The following CREBZF variants were observed in gnomAD, a reference collection of about 807,000 sequenced individuals.
CREBZF encodes the protein HCF-binding transcription factor Zhangfei.
Under a neutral mutation model 21.1 loss-of-function variants are expected in CREBZF, and 8 were observed. The ratio of observed to expected loss-of-function variants is 0.38; its 90% confidence interval spans 0.22 to 0.68. CREBZF has a LOEUF of 0.68. CREBZF is among the 30% of genes least tolerant of loss of function. The pLI is 0.51. For synonymous variants in CREBZF, 270 were observed against 223.3 expected (o/e 1.21, Z -1.86); for missense variants, 518 against 484.3 (o/e 1.07, Z -0.65).
Position 85,664,995 on chromosome 11 carries a change from A to T in CREBZF, c.-120T>A. On this transcript the variant is annotated 5_prime_UTR_variant, in exon 1 of 1. Coordinates refer to ENST00000527447, the MANE Select transcript of CREBZF (RefSeq NM_001039618.4). The surrounding 1 kb of genome is among the most constrained non-coding windows in gnomAD (Gnocchi z 5.5). ...ACTGGCCGAAACGAAATGCAGGGAA[A>T]GGTCCGAGTCGCCTCCCGCCTCACT... The T allele has an allele frequency of 1.5e-6, 1 of 656,558 alleles. No individual in the cohort carries two copies. The highest frequency in any genetic ancestry group is 2.3e-6 in the Non-Finnish European group (1 of 440,618). 40.7% of individuals were successfully genotyped at this position (656,558 alleles called of 1,614,324 possible).
At chr11:85,673,818 T>C (rs1308938499) in intron 1 of CREBZF, among the ~76,000 whole-genome samples, 1 of 152,234 alleles carries the variant, frequency 6.6e-6, no homozygotes, top group Non-Finnish European at 1.5e-5. Context: ...ATATTCTAAA[T>C]CCTTTGTTGT....
Position 85,664,298 on chromosome 11 carries a change from C to T in CREBZF, c.578G>A (p.Gly193Asp), listed in dbSNP as rs1452490064. ...GTCGTTACCGCTGCCGCCACCGCCGCCTCCTCCTGGGGACTTTCTCCGCCT... is the reference window on the plus strand; with the variant it reads ...GTCGTTACCGCTGCCGCCACCGCCGTCTCCTCCTGGGGACTTTCTCCGCCT... ...EKRRRKSPGG[G>D]GGGGSGNDNN... Residue 193 changes from glycine to aspartate, a missense_variant, in exon 1 of 1, where the codon GGC (glycine) becomes GAC (aspartate). Gly to Asp is a moderately conservative substitution (Grantham distance 94). Around this residue, in one of 3 missense-constraint regions of CREBZF, gnomAD observed 396 missense variants for 324.4 expected, o/e 1.22. Coordinates refer to ENST00000527447, the MANE Select transcript of CREBZF (RefSeq NM_001039618.4). The surrounding 1 kb of genome is among the most constrained non-coding windows in gnomAD (Gnocchi z 5.5). 8 of 1,612,108 alleles carry T rather than the reference C, an allele frequency of 5.0e-6. No individual in the cohort carries two copies. In the South Asian group the frequency reaches 8.8e-5, roughly 18 times the overall value.
rs1364439475 is a variant in CREBZF, at chr11:85,660,082, A to G, written c.*3729T>C. 6.6e-6 allele frequency: 1 copy of G among 152,562 alleles called. No homozygotes were observed. Among genetic ancestry groups the G allele is most frequent in the Non-Finnish European group, 1.5e-5 (1 of 68,302 alleles). 9.5% of individuals were successfully genotyped at this position (152,562 alleles called of 1,614,324 possible). On this transcript the variant is annotated 3_prime_UTR_variant, in exon 1 of 1. Coordinates refer to ENST00000527447, the MANE Select transcript of CREBZF (RefSeq NM_001039618.4). ...AGTTCAGAACTTTACATTAACTTTTATATTCTACTCAGCAGGGTGTCTGTC... is the reference window on the plus strand; with the variant it reads ...AGTTCAGAACTTTACATTAACTTTTGTATTCTACTCAGCAGGGTGTCTGTC...
At chr11:85,682,642 CATATAACGTGGAGT>C in intron 1 of CREBZF, 1 of 496,140 alleles carries the variant, frequency 2.0e-6, no homozygotes, top group Non-Finnish European at 3.6e-6. Context: ...GCTCTTCCCC[CATATAACGTGGAGT>C]CCCTGGAGCC....
intron 1 of CREBZF, among the ~76,000 whole-genome samples, chr11:85,681,769 C>A (rs980779263): frequency 5.3e-5 from 8 of 152,208 alleles, no homozygotes; most frequent in Non-Finnish European, 1.0e-4. Flanking sequence ...GGCCGATTTA[C>A]ATTTTGTCAG....
rs558109066 is a variant in CREBZF at position 85,664,953 on chromosome 11, G to C, written c.-78C>G. ...GGGCCCCAAGGATCCCAGGCCCCAGGGCGGGTAGCCCCCGGCACTGGCCGA... is the reference window on the plus strand; with the variant it reads ...GGGCCCCAAGGATCCCAGGCCCCAGCGCGGGTAGCCCCCGGCACTGGCCGA... On this transcript the variant is annotated 5_prime_UTR_variant, in exon 1 of 1. Coordinates refer to ENST00000527447, the MANE Select transcript of CREBZF (RefSeq NM_001039618.4). The surrounding 1 kb of genome is among the most constrained non-coding windows in gnomAD (Gnocchi z 5.5). 32 of 1,094,126 alleles carry C rather than the reference G, an allele frequency of 2.9e-5. No individual in the cohort carries two copies. Among genetic ancestry groups the C allele is most frequent in the Non-Finnish European group, 3.5e-5 (29 of 817,948 alleles). The allele number at this position is 1,094,126 out of a possible 1,614,324, so 67.8% of individuals were successfully genotyped here. A position where few individuals can be genotyped will look rare whatever the true frequency, so the allele number is the denominator to read the frequency against.
rs969885931 is a variant in CREBZF, at chr11:85,663,851, G to A, written c.1025C>T (p.Ser342Leu). The A allele has an allele frequency of 6.2e-7, 1 of 1,607,342 alleles. No homozygotes were observed. The highest frequency in any genetic ancestry group is 8.5e-7 in the Non-Finnish European group (1 of 1,178,590). ...DKDKVSVEFC[S>L]ACARKASSSL... ...AGACGACGCCTTCCGGGCGCACGCC[G>A]AGCAGAACTCCACCGACACCTTATC... The change falls in exon 1 of 1, where the codon TCG becomes TTG. Residue 342 changes from serine (S) to leucine (L), a missense_variant. By Grantham distance (145) the Ser-to-Leu change is moderately radical. Around this residue, in one of 3 missense-constraint regions of CREBZF, gnomAD observed 114 missense variants for 134.1 expected, o/e 0.85. Transcript: ENST00000527447.
At chr11:85,670,538 G>A (rs1281109643) in intron 1 of CREBZF, among the ~76,000 whole-genome samples, 5 of 152,054 alleles carry the variant, frequency 3.3e-5, no homozygotes, top group East Asian at 1.9e-4. Flanking sequence ...TCCTGACCTC[G>A]TGATCCACCC....
chr11:85,666,204 C>T (rs1262624616), upstream of CREBZF, among the ~76,000 whole-genome samples: 2 of 152,176 alleles, frequency 1.3e-5, no homozygotes, highest in African/African-American at 4.8e-5. Context: ...AGGTTCACAT[C>T]CCACAAGGGA....
At chr11:85,674,588 C>A (rs1039846826) in intron 1 of CREBZF, among the ~76,000 whole-genome samples, 1 of 152,210 alleles carries the variant, frequency 6.6e-6, no homozygotes, top group Non-Finnish European at 1.5e-5. Context: ...CCCATTAGCC[C>A]CTAATAAGAG....
Position 85,663,451 on chromosome 11 carries a change from A to C in CREBZF, c.*360T>G. 1 of 743,104 alleles carries C rather than the reference A, an allele frequency of 1.3e-6. No individual in the cohort carries two copies. Among genetic ancestry groups the C allele is most frequent in the South Asian group, 1.5e-5 (1 of 64,666 alleles). The allele number at this position is 743,104 out of a possible 1,614,324, so 46.0% of individuals were successfully genotyped here. A position where few individuals can be genotyped will look rare whatever the true frequency, so the allele number is the denominator to read the frequency against. ...AAAAAAAAAAAAATCACACACACAC[A>C]AACTGAGATGTTGCCCATTAAAGTA... On this transcript the variant is annotated 3_prime_UTR_variant, in exon 1 of 1. Transcript: ENST00000527447.
rs1415139432 is a variant in CREBZF at position 85,665,083 on chromosome 11, T to A, written c.-208A>T. The A allele has an allele frequency of 7.0e-6, 3 of 427,068 alleles. No individual in the cohort carries two copies. The highest frequency in any genetic ancestry group is 7.1e-5 in the East Asian group (2 of 28,134). 26.5% of individuals were successfully genotyped at this position (427,068 alleles called of 1,614,324 possible). On this transcript the variant is annotated 5_prime_UTR_variant, in exon 1 of 1. Coordinates refer to ENST00000527447, the MANE Select transcript of CREBZF (RefSeq NM_001039618.4). Reference sequence around the variant, plus strand: ...ACGGGAGAACGAAGCGGTGAGGCCCTGCGATGACTCGACCGCGCCACCCAG... The same window carrying A: ...ACGGGAGAACGAAGCGGTGAGGCCCAGCGATGACTCGACCGCGCCACCCAG...
At chr11:85,670,132 C>A (rs974043533) in intron 1 of CREBZF, among the ~76,000 whole-genome samples, 1 of 151,980 alleles carries the variant, frequency 6.6e-6, no homozygotes, top group African/African-American at 2.4e-5. Context: ...AATACACAAG[C>A]ATTTCATTGG....
intron 1 of CREBZF, among the ~76,000 whole-genome samples, chr11:85,674,829 T>A (rs1265044294): frequency 6.6e-6 from 1 of 152,228 alleles, no homozygotes; most frequent in East Asian, 1.9e-4. Flanking sequence ...GAGATGGGTT[T>A]TTCTCTCTAA....
chr11:85,675,966 C>T (rs996733724), intron 1 of CREBZF, among the ~76,000 whole-genome samples: 1 of 152,150 alleles, frequency 6.6e-6, no homozygotes, highest in Non-Finnish European at 1.5e-5. Flanking sequence ...TCCCAGTGTG[C>T]TAGCTGTATT....
intron 1 of CREBZF, among the ~76,000 whole-genome samples, chr11:85,675,703 A>C (rs2082937897): frequency 6.6e-6 from 1 of 152,212 alleles, no homozygotes; most frequent in African/African-American, 2.4e-5. Flanking sequence ...ATTTGTAAAA[A>C]ATGCCATATA....
At chr11:85,665,647 ATTAT>A (rs2082850261), upstream of CREBZF, among the ~76,000 whole-genome samples, 1 of 151,860 alleles carries the variant, frequency 6.6e-6, no homozygotes. Context: ...TATGACAGTT[ATTAT>A]TTGTCAATTA....
At chr11:85,668,679 ATTGAT>A (rs1390848638), upstream of CREBZF, among the ~76,000 whole-genome samples, 1 of 152,088 alleles carries the variant, frequency 6.6e-6, no homozygotes, top group Admixed American at 6.5e-5. Flanking sequence ...CTATCTAGCT[ATTGAT>A]TTGAGATTAG....
At chr11:85,681,246 C>T (rs2082975388) in intron 1 of CREBZF, among the ~76,000 whole-genome samples, 1 of 152,186 alleles carries the variant, frequency 6.6e-6, no homozygotes, top group African/African-American at 2.4e-5. Context: ...CCTGACCTGA[C>T]TCAGCCCACA....
Sources: gnomAD v4.1 joint callset for allele counts (sites outside exome capture counted in the v4.1 genomes callset) on GRCh38, gnomAD v4.1.1 for gene constraint, gnomAD v4.1.1 regional missense constraint, Gnocchi (gnomAD v3.1) non-coding constraint, MANE v1.5 for transcripts, NCBI Gene and HGNC (gene_info 2026-07-23, HGNC 2026-07-21) for gene names.